Variants in DLGAP2 observed in about 807,000 individuals in gnomAD.
DLGAP2 encodes the protein DLG associated protein 2, also known as disks large-associated protein 2.
Under a neutral mutation model 100.3 loss-of-function variants are expected in DLGAP2, and 26 were observed. That is an observed-to-expected ratio of 0.26 (90% CI 0.19 to 0.36). The LOEUF is 0.36. Among genes scored for constraint, DLGAP2 ranks in the 10% least tolerant of loss-of-function variants. The pLI, the probability that DLGAP2 is intolerant of heterozygous loss-of-function variation, is 1.00. For missense variants in DLGAP2, 1,858 were observed against 1,453.2 expected, an observed-to-expected ratio of 1.28 and a Z score of -4.53; for synonymous variants, 886 against 630.1, an observed-to-expected ratio of 1.41 and a Z score of -6.08.
intron 2 of DLGAP2, among the ~76,000 whole-genome samples, chr8:973,252 TC>T (rs1312720962): frequency 1.4e-5 from 2 of 138,270 alleles, no homozygotes; most frequent in African/African-American, 2.8e-5. Context: ...GCGGAGGCTG[TC>T]CCCCCACCTC....
chr8:1,286,739 A>G (rs1265621525), intron 3 of DLGAP2, among the ~76,000 whole-genome samples: 1 of 152,188 alleles, frequency 6.6e-6, no homozygotes, highest in Non-Finnish European at 1.5e-5. Flanking sequence ...ATCCACACTT[A>G]TCTTCAAAGT....
intron 4 of DLGAP2, among the ~76,000 whole-genome samples, chr8:1,536,854 G>C (rs888291008): frequency 6.6e-6 from 1 of 152,052 alleles, no homozygotes; most frequent in Admixed American, 6.6e-5. Context: ...TGTAGGAGGC[G>C]CTGGCCAGGC....
At chr8:1,385,575 A>T (rs57585503) in intron 3 of DLGAP2, among the ~76,000 whole-genome samples, 1 of 33,658 alleles carries the variant, frequency 3.0e-5, no homozygotes. Context: ...TTGGTGCACA[A>T]TTACCCGGCC....
chr8:1,672,228 A>ATTTT (rs150461910), intron 10 of DLGAP2, among the ~76,000 whole-genome samples: 8 of 134,520 alleles, frequency 5.9e-5, no homozygotes, highest in South Asian at 2.4e-4. Context: ...TTTATTTTTA[A>ATTTT]TTTTTTTTTT....
chr8:1,335,923 G>A (rs1251210098), intron 3 of DLGAP2, among the ~76,000 whole-genome samples: 2 of 151,728 alleles, frequency 1.3e-5, no homozygotes, highest in East Asian at 1.9e-4. Flanking sequence ...CCCTAGAGCC[G>A]GGGCTGCGCG....
At chr8:798,509 T>G (rs542582273) in intron 1 of DLGAP2, among the ~76,000 whole-genome samples, 84 of 135,192 alleles carry the variant, frequency 6.2e-4, no homozygotes, top group Non-Finnish European at 1.0e-3. Context: ...AAGCAAACGC[T>G]TGTTGCGTCA....
At chr8:827,386 A>T (rs1479023902) in intron 1 of DLGAP2, among the ~76,000 whole-genome samples, 1 of 152,188 alleles carries the variant, frequency 6.6e-6, no homozygotes, top group Non-Finnish European at 1.5e-5. Flanking sequence ...TAAATGGATT[A>T]TTTTTAAAAT....
At chr8:1,040,177 G>T (rs1418282119) in intron 2 of DLGAP2, among the ~76,000 whole-genome samples, 1 of 137,236 alleles carries the variant, frequency 7.3e-6, no homozygotes, top group East Asian at 2.2e-4. Flanking sequence ...TTGTCAGCTC[G>T]GTTTCCATGG....
chr8:1,671,551 A>G (rs1267401172), intron 10 of DLGAP2, among the ~76,000 whole-genome samples: 1 of 152,206 alleles, frequency 6.6e-6, no homozygotes, highest in African/African-American at 2.4e-5. Context: ...GTCCTGTCCC[A>G]CAATGCAACT....
At chr8:997,025 G>T (rs1442978236) in intron 2 of DLGAP2, among the ~76,000 whole-genome samples, 1 of 152,182 alleles carries the variant, frequency 6.6e-6, no homozygotes, top group East Asian at 1.9e-4. Flanking sequence ...GGCATTGATT[G>T]CTGTGTTTTT....
chr8:1,103,366 G>C (rs1403033392), intron 2 of DLGAP2, among the ~76,000 whole-genome samples: 1 of 151,920 alleles, frequency 6.6e-6, no homozygotes, highest in East Asian at 1.9e-4. Context: ...GGTGATGACT[G>C]ACGGGGACTT....
At chr8:1,441,387 G>A (rs1001844266) in intron 3 of DLGAP2, among the ~76,000 whole-genome samples, 1 of 152,028 alleles carries the variant, frequency 6.6e-6, no homozygotes, top group East Asian at 1.9e-4. Flanking sequence ...TCAACCTAAG[G>A]CCCCATTTAA....
chr8:1,593,632 A>C (rs760287560), intron 6 of DLGAP2, among the ~76,000 whole-genome samples: 4 of 152,060 alleles, frequency 2.6e-5, no homozygotes, highest in African/African-American at 9.7e-5. Context: ...CCTGGCTTCT[A>C]CCTTCTCCCA....
intron 2 of DLGAP2, among the ~76,000 whole-genome samples, chr8:1,223,264 C>G (rs1322503412): frequency 1.3e-5 from 2 of 152,186 alleles, no homozygotes; most frequent in African/African-American, 4.8e-5. Flanking sequence ...TCCTCACTGT[C>G]CACTTTGAAA....
At chr8:935,887 T>G (rs142225510) in intron 2 of DLGAP2, among the ~76,000 whole-genome samples, 1 of 152,188 alleles carries the variant, frequency 6.6e-6, no homozygotes, top group African/African-American at 2.4e-5. Context: ...AAAATGTCTA[T>G]CAATTATTGT....
chr8:1,558,856 C>G (rs1235901594), intron 5 of DLGAP2, among the ~76,000 whole-genome samples: 1 of 130,138 alleles, frequency 7.7e-6, no homozygotes, highest in Non-Finnish European at 1.8e-5. Context: ...TACCTGCACA[C>G]ACACATACAC....
In DLGAP2 at chr8:1,309,609, G is replaced by C. The variant is rs538271221; in HGVS notation, c.106+50726G>C. Among the ~76,000 whole-genome samples the C allele has an allele frequency of 2.7e-3, 405 of 152,260 alleles. 2 individuals carry two copies. Among genetic ancestry groups the C allele is most frequent in the Non-Finnish European group, 5.0e-3 (337 of 68,032 alleles). On this transcript the variant is annotated intron_variant, in intron 3 of 14. Coordinates refer to ENST00000637795, the MANE Select transcript of DLGAP2 (RefSeq NM_001346810.2). The stretch of plus-strand genomic sequence containing the variant: ...GGAACCTTGCAGATTGACATAAAAG[G>C]ACAGCGGCATTAGCTCAAAGCTATA...
chr8:1,113,959 T>C (rs1563199123), intron 2 of DLGAP2, among the ~76,000 whole-genome samples: 1 of 152,214 alleles, frequency 6.6e-6, no homozygotes. Flanking sequence ...GACAATCATA[T>C]GGTTTTTGTC....
rs1259394109 is a variant in DLGAP2 at position 1,287,157 on chromosome 8, T to TGCGC, written c.106+28284_106+28287dup. 2.5e-3 allele frequency among the ~76,000 whole-genome samples: 250 copies of TGCGC among 99,496 alleles called. 2 individuals are homozygous for TGCGC. Among genetic ancestry groups the TGCGC allele is most frequent in the Non-Finnish European group, 3.3e-3 (143 of 43,336 alleles). 65.3% of individuals were successfully genotyped at this position (99,496 alleles called of 152,430 possible). A position where few individuals can be genotyped will look rare whatever the true frequency, so the allele number is the denominator to read the frequency against. ...GTGTGTGTGTGTGTGTGTGTGTGTGTGCGCGCGCGCGCGTGGTTCTGTTAG... is the reference window on the plus strand; with the variant it reads ...GTGTGTGTGTGTGTGTGTGTGTGTGTGCGCGCGCGCGCGCGCGTGGTTCTGTTAG... On this transcript the variant is annotated intron_variant, in intron 3 of 14. Transcript: ENST00000637795.
Sources: gnomAD v4.1 joint callset for allele counts (sites outside exome capture counted in the v4.1 genomes callset) on GRCh38, gnomAD v4.1.1 for gene constraint, MANE v1.5 for transcripts, NCBI Gene and HGNC (gene_info 2026-07-23, HGNC 2026-07-21) for gene names.